The following IQCM variants were observed in gnomAD, a reference collection of about 807,000 sequenced individuals.
IQCM encodes the protein IQ motif containing M.
IQCM carries 45 observed loss-of-function variants against 57.6 expected under a neutral mutation model. The observed-to-expected ratio is 0.78, with a 90% CI of 0.62 to 1.00. IQCM has a LOEUF of 1.00. IQCM is among the 50% of genes least tolerant of loss of function. The probability of loss-of-function intolerance (pLI) is 0.00; values close to 1 mark genes in which losing one functional copy is unlikely to be tolerated. For missense variants in IQCM, 468 were observed against 511.6 expected (o/e 0.91, Z 0.82); for synonymous variants, 148 against 158.9 (o/e 0.93, Z 0.51).
At chr4:149,450,361 T>G (rs1736977042) in intron 12 of IQCM, among the ~76,000 whole-genome samples, 1 of 151,618 alleles carries the variant, frequency 6.6e-6, no homozygotes, top group Non-Finnish European at 1.5e-5. Flanking sequence ...AATTGACAAA[T>G]GGAATCAGAT....
At chr4:149,742,838 C>CT (rs2149911637) in intron 2 of IQCM, 99 bp from the exon 3 acceptor site, 1 of 468,616 alleles carries the variant, frequency 2.1e-6, no homozygotes, top group South Asian at 1.2e-4. Flanking sequence ...ATGATTAAAA[C>CT]TTTTTATATG....
intron 2 of IQCM, 96 bp from the exon 3 acceptor site, chr4:149,742,835 A>C: frequency 2.0e-6 from 1 of 491,016 alleles, no homozygotes. Context: ...TGAATGATTA[A>C]AACTTTTTAT....
chr4:149,553,436 G>T, intron 10 of IQCM, 149 bp from the exon 11 acceptor site: 1 of 492,466 alleles, frequency 2.0e-6, no homozygotes, highest in Non-Finnish European at 3.2e-6. Context: ...ACGCATTGTA[G>T]AGTAATATAA....
intron 12 of IQCM, among the ~76,000 whole-genome samples, chr4:149,537,227 GAA>G (rs1747383976): frequency 6.6e-6 from 1 of 151,396 alleles, no homozygotes; most frequent in South Asian, 2.1e-4. Flanking sequence ...AAGAATTAAA[GAA>G]AAATGTGATA....
At chr4:149,690,892 C>G (rs1395056622) in intron 5 of IQCM, 2 of 151,956 alleles carry the variant, frequency 1.3e-5, no homozygotes, top group Non-Finnish European at 2.9e-5. Context: ...GGTACAGAGC[C>G]AGGACTCCAT....
chr4:149,717,351 C>G (rs532764548), intron 5 of IQCM, among the ~76,000 whole-genome samples: 2 of 152,254 alleles, frequency 1.3e-5, no homozygotes, highest in African/African-American at 4.8e-5. Flanking sequence ...CACTGGAGAA[C>G]TGCTTGGTGT....
intron 12 of IQCM, among the ~76,000 whole-genome samples, chr4:149,464,486 T>A (rs1738635201): frequency 6.6e-6 from 1 of 152,186 alleles, no homozygotes; most frequent in Non-Finnish European, 1.5e-5. Context: ...TAAGGTTTCT[T>A]TCTTGCCAGG....
intron 12 of IQCM, among the ~76,000 whole-genome samples, chr4:149,463,204 G>T (rs1391476962): frequency 6.6e-6 from 1 of 152,132 alleles, no homozygotes; most frequent in African/African-American, 2.4e-5. Flanking sequence ...TTGTCAAGTC[G>T]TGAAGACAAA....
intron 12 of IQCM, among the ~76,000 whole-genome samples, chr4:149,472,167 G>C (rs1301614221): frequency 6.6e-6 from 1 of 152,170 alleles, no homozygotes; most frequent in Non-Finnish European, 1.5e-5. Flanking sequence ...ATTAGGAAAA[G>C]AGAAAGTCAA....
intron 8 of IQCM, among the ~76,000 whole-genome samples, chr4:149,600,495 T>C (rs565580028): frequency 3.9e-5 from 6 of 152,290 alleles, no homozygotes; most frequent in African/African-American, 7.2e-5. Context: ...AAGATAATGA[T>C]GGAGTTCACA....
intron 13 of IQCM, among the ~76,000 whole-genome samples, chr4:149,414,569 T>A (rs1010685972): frequency 1.3e-5 from 2 of 152,110 alleles, no homozygotes; most frequent in African/African-American, 2.4e-5. Context: ...TCCATTATAG[T>A]CCTTACGATA....
At chr4:149,412,347 T>A (rs1459168131) in intron 13 of IQCM, among the ~76,000 whole-genome samples, 3 of 152,180 alleles carry the variant, frequency 2.0e-5, no homozygotes, top group African/African-American at 7.2e-5. Context: ...TTTTATTTTT[T>A]GACCATTAAA....
chr4:149,667,792 A>G (rs935940838), intron 7 of IQCM, among the ~76,000 whole-genome samples: 5 of 151,962 alleles, frequency 3.3e-5, no homozygotes, highest in African/African-American at 1.2e-4. Flanking sequence ...ATACACAAGT[A>G]TCAGTAGCCG....
At chr4:149,664,876 G>A (rs1760567095) in intron 7 of IQCM, among the ~76,000 whole-genome samples, 1 of 152,238 alleles carries the variant, frequency 6.6e-6, no homozygotes, top group Middle Eastern at 3.4e-3. Flanking sequence ...CAGCCTCAGT[G>A]GGCCAGCTGG....
chr4:149,520,342 A>C (rs1745499065), intron 12 of IQCM, among the ~76,000 whole-genome samples: 1 of 152,054 alleles, frequency 6.6e-6, no homozygotes, highest in Non-Finnish European at 1.5e-5. Flanking sequence ...CCAGACCTCA[A>C]TGAAGAACAC....
chr4:149,409,933 C>T (rs1316148289), intron 13 of IQCM, among the ~76,000 whole-genome samples: 1 of 152,156 alleles, frequency 6.6e-6, no homozygotes, highest in Non-Finnish European at 1.5e-5. Context: ...TGCCTGTAAT[C>T]CCAGCACTTT....
chr4:149,520,898 G>T (rs1382361050), intron 12 of IQCM, among the ~76,000 whole-genome samples: 1 of 152,022 alleles, frequency 6.6e-6, no homozygotes, highest in Non-Finnish European at 1.5e-5. Flanking sequence ...AATAGGAACT[G>T]CACTCTCTCA....
At chr4:149,738,300 C>A (rs1245768495) in intron 3 of IQCM, among the ~76,000 whole-genome samples, 1 of 152,220 alleles carries the variant, frequency 6.6e-6, no homozygotes, top group Non-Finnish European at 1.5e-5. Flanking sequence ...GCACGTTTCC[C>A]TGACACTTGC....
At chr4:149,380,676 G>C (rs1731016118) in intron 13 of IQCM, among the ~76,000 whole-genome samples, 1 of 152,010 alleles carries the variant, frequency 6.6e-6, no homozygotes, top group African/African-American at 2.4e-5. Context: ...ATGTGTTATG[G>C]GGCAGAGGAA....
Sources: gnomAD v4.1 joint callset for allele counts (sites outside exome capture counted in the v4.1 genomes callset) on GRCh38, gnomAD v4.1.1 for gene constraint, MANE v1.5 for transcripts, NCBI Gene and HGNC (gene_info 2026-07-23, HGNC 2026-07-21) for gene names.